Variants in GUCY1A2 observed in about 807,000 individuals in gnomAD.
GUCY1A2 encodes guanylate cyclase 1 soluble subunit alpha 2, also known as guanylate cyclase soluble subunit alpha-2.
Under a neutral mutation model 63.5 loss-of-function variants are expected in GUCY1A2, and 27 were observed. The ratio of observed to expected loss-of-function variants is 0.43; its 90% CI spans 0.31 to 0.59. The LOEUF (loss-of-function observed/expected upper bound fraction) is 0.59. Ranked by LOEUF, GUCY1A2 falls within the 20% of genes least tolerant of loss-of-function variation. The pLI is 0.11. For missense variants in GUCY1A2, 768 were observed against 913.3 expected, an observed-to-expected ratio of 0.84 and a Z score of 2.05; for synonymous variants, 364 against 343.5, an observed-to-expected ratio of 1.06 and a Z score of -0.66.
At chr11:106,721,648 T>C (rs1863319170) in intron 6 of GUCY1A2, among the ~76,000 whole-genome samples, 1 of 152,192 alleles carries the variant, frequency 6.6e-6, no homozygotes, top group African/African-American at 2.4e-5. Flanking sequence ...AGTAGGTCTC[T>C]CAACTGGAGA....
chr11:106,748,902 A>C (rs1213784668), intron 6 of GUCY1A2, among the ~76,000 whole-genome samples: 1 of 152,110 alleles, frequency 6.6e-6, no homozygotes, highest in Non-Finnish European at 1.5e-5. Flanking sequence ...CTCATTGTGC[A>C]CAGCAAGGGT....
chr11:106,969,625 C>A (rs1861169535), intron 3 of GUCY1A2, among the ~76,000 whole-genome samples: 1 of 152,120 alleles, frequency 6.6e-6, no homozygotes, highest in Non-Finnish European at 1.5e-5. Context: ...AAATCTGCTC[C>A]ATGAGATGGC....
At chr11:107,006,109 G>A (rs902411375) in intron 1 of GUCY1A2, among the ~76,000 whole-genome samples, 1 of 152,212 alleles carries the variant, frequency 6.6e-6, no homozygotes, top group Non-Finnish European at 1.5e-5. Flanking sequence ...GATCCTCAGA[G>A]AGGCGAATTT....
chr11:106,989,076 G>C (rs940547751), intron 1 of GUCY1A2, among the ~76,000 whole-genome samples: 2 of 152,104 alleles, frequency 1.3e-5, no homozygotes, highest in Non-Finnish European at 2.9e-5. Context: ...GGAACAACAA[G>C]GGCTTTGAAA....
intron 5 of GUCY1A2, among the ~76,000 whole-genome samples, chr11:106,804,247 A>G (rs1293324225): frequency 6.6e-6 from 1 of 152,214 alleles, no homozygotes; most frequent in Non-Finnish European, 1.5e-5. Context: ...AAATATCAGT[A>G]AAAGCAAATG....
At chr11:106,966,158 A>C (rs1861124490) in intron 3 of GUCY1A2, among the ~76,000 whole-genome samples, 1 of 151,910 alleles carries the variant, frequency 6.6e-6, no homozygotes, top group Non-Finnish European at 1.5e-5. Flanking sequence ...CCAAGGCTGG[A>C]GTGCAGTGGC....
chr11:106,677,150 C>G lies in GUCY1A2; in HGVS notation c.*10399G>C, dbSNP rs1457875741. On this transcript the variant is annotated 3_prime_UTR_variant, in exon 8 of 8. Transcript: ENST00000526355. ...ACTATTGTCATTTATCTTATAAGAG[C>G]TAGAAAGAAATAAAGCAAAGAGGGA... 4.6e-6 allele frequency: 1 copy of G among 216,338 alleles called. No homozygotes were observed. Among genetic ancestry groups the G allele is most frequent in the East Asian group, 6.7e-5 (1 of 14,948 alleles). 13.4% of individuals were successfully genotyped at this position (216,338 alleles called of 1,614,324 possible).
chr11:106,749,518 A>G (rs941845812), intron 6 of GUCY1A2, among the ~76,000 whole-genome samples: 1 of 152,022 alleles, frequency 6.6e-6, no homozygotes, highest in Non-Finnish European at 1.5e-5. Context: ...CTTGTTCTAT[A>G]CTGATCACCT....
intron 3 of GUCY1A2, among the ~76,000 whole-genome samples, chr11:106,950,990 T>C (rs1860900087): frequency 6.6e-6 from 1 of 152,128 alleles, no homozygotes; most frequent in South Asian, 2.1e-4. Context: ...GAACATGCAG[T>C]GTTTGGTTTT....
chr11:106,740,892 C>T (rs908600880), intron 6 of GUCY1A2, among the ~76,000 whole-genome samples: 4 of 152,092 alleles, frequency 2.6e-5, no homozygotes, highest in Admixed American at 6.6e-5. Flanking sequence ...AGGCTGGTCT[C>T]GTACTCCCAA....
chr11:106,824,090 T>G (rs1403211181), intron 4 of GUCY1A2: 3 of 1,498,848 alleles, frequency 2.0e-6, no homozygotes, highest in Non-Finnish European at 2.8e-6. Context: ...CTACCATTTC[T>G]TATTTGAAAA....
intron 4 of GUCY1A2, among the ~76,000 whole-genome samples, chr11:106,872,403 A>G (rs530451737): frequency 6.6e-6 from 1 of 152,280 alleles, no homozygotes; most frequent in Admixed American, 6.5e-5. Flanking sequence ...ATACCAGTCA[A>G]GTTGCTTATT....
intron 6 of GUCY1A2, among the ~76,000 whole-genome samples, chr11:106,753,703 C>T (rs1197570315): frequency 6.6e-6 from 1 of 152,072 alleles, no homozygotes; most frequent in African/African-American, 2.4e-5. Flanking sequence ...TGTTCTGTTC[C>T]ATTGGTCTAT....
At chr11:106,893,688 C>A (rs548055068) in intron 4 of GUCY1A2, among the ~76,000 whole-genome samples, 1 of 152,132 alleles carries the variant, frequency 6.6e-6, no homozygotes, top group South Asian at 2.1e-4. Flanking sequence ...AACCACTGCC[C>A]CTAAAACTGG....
rs1236782143 is a variant in GUCY1A2, at chr11:107,018,329, C to T, written c.-274G>A. 6.8e-6 allele frequency: 1 copy of T among 146,840 alleles called. No individual in the cohort carries two copies. Among genetic ancestry groups the T allele is most frequent in the Non-Finnish European group, 1.5e-5 (1 of 66,070 alleles). The allele number at this position is 146,840 out of a possible 1,614,324, so 9.1% of individuals were successfully genotyped here. A position where few individuals can be genotyped will look rare whatever the true frequency, so the allele number is the denominator to read the frequency against. ...GGCCGCCGCCGCCTCTGCTGCTGCT[C>T]GCGCGGCGCCGCCTCAGCGCCCGCC... On this transcript the variant is annotated 5_prime_UTR_variant, in exon 1 of 8. Coordinates refer to ENST00000526355, the MANE Select transcript of GUCY1A2 (RefSeq NM_000855.3).
chr11:107,010,196 T>G (rs1228391633), intron 1 of GUCY1A2, among the ~76,000 whole-genome samples: 2 of 152,070 alleles, frequency 1.3e-5, no homozygotes, highest in Non-Finnish European at 2.9e-5. Flanking sequence ...CTGCCCTACC[T>G]CCTAAATGAC....
chr11:107,002,245 C>T (rs1212346408), intron 1 of GUCY1A2, among the ~76,000 whole-genome samples: 2 of 151,724 alleles, frequency 1.3e-5, no homozygotes, highest in Non-Finnish European at 1.5e-5. Context: ...TTTAATATAC[C>T]GACAAAATAG....
At chr11:107,012,911 A>G (rs1861767443) in intron 1 of GUCY1A2, among the ~76,000 whole-genome samples, 1 of 152,156 alleles carries the variant, frequency 6.6e-6, no homozygotes, top group Non-Finnish European at 1.5e-5. Context: ...TTCATTGTCT[A>G]CATGTTAGTT....
rs3802833 is a variant in GUCY1A2 at position 106,827,426 on chromosome 11, C to A, written c.1207-16948G>T. 9,565 of 1,467,610 alleles carry A rather than the reference C, an allele frequency of 6.5e-3. 534 individuals are homozygous for A. In the East Asian group the frequency reaches 0.13, roughly 20 times the overall value. The allele number at this position is 1,467,610 out of a possible 1,614,324, so 90.9% of individuals were successfully genotyped here. On this transcript the variant is annotated intron_variant, in intron 4 of 7. Transcript: ENST00000526355. ...TCATACACTAACTCAAGTGCGATAC[C>A]ACCGTTCCCTAAGATCATTATTCTT...
Sources: gnomAD v4.1 joint callset for allele counts (sites outside exome capture counted in the v4.1 genomes callset) on GRCh38, gnomAD v4.1.1 for gene constraint, MANE v1.5 for transcripts, NCBI Gene and HGNC (gene_info 2026-07-23, HGNC 2026-07-21) for gene names.